TMF1: variants seen among roughly 807,000 people sequenced by gnomAD.
TMF1 encodes the protein TATA element modulatory factor 1, also known as TATA element modulatory factor.
In TMF1, 71 loss-of-function variants were observed where a neutral mutation model predicts 126.5. The ratio of observed to expected loss-of-function variants is 0.56; its 90% CI spans 0.46 to 0.68. TMF1 has a LOEUF of 0.68. Among genes scored for constraint, TMF1 ranks in the 30% least tolerant of loss-of-function variants. The probability of loss-of-function intolerance (pLI) is 0.00; values close to 1 mark genes in which losing one functional copy is unlikely to be tolerated. For synonymous variants in TMF1, 461 were observed against 430.5 expected (o/e 1.07, Z -0.88); for missense variants, 1,259 against 1,253.2 (o/e 1.00, Z -0.07).
At chr3:69,040,937 A>T (rs567600502) in intron 5 of TMF1, among the ~76,000 whole-genome samples, 336 of 151,332 alleles carry the variant, frequency 2.2e-3, no homozygotes, top group South Asian at 0.014. Context: ...AAAAAAAAAA[A>T]TTTTTCTGGG....
chr3:69,040,951 C>T (rs551337870), intron 5 of TMF1, among the ~76,000 whole-genome samples: 32 of 151,256 alleles, frequency 2.1e-4, no homozygotes, highest in South Asian at 8.4e-4. Context: ...TTCTGGGGCA[C>T]GCGGAAACAA....
Position 69,038,956 on chromosome 3 carries a change from T to C in TMF1, c.1881A>G (p.Lys627=). The change falls in exon 7 of 17, where the codon AAA becomes AAG. Residue 627 remains lysine (K), a synonymous_variant. Transcript: ENST00000398559. The part of the protein sequence containing the change: ...VEKQHRENIK[K]LNSMVERQEK... ...CTTGGCGTTCTACCATGGAATTTAG[T>C]TTTTTAATATTTTCTCTATGTTGTT... The C allele has an allele frequency of 6.2e-7, 1 of 1,609,884 alleles. No individual in the cohort carries two copies. Among genetic ancestry groups the C allele is most frequent in the African/African-American group, 1.3e-5 (1 of 74,722 alleles).
chr3:69,025,598 G>T lies in TMF1; in HGVS notation c.2974C>A (p.Gln992Lys). 1 of 1,613,864 alleles carries T rather than the reference G, an allele frequency of 6.2e-7. No individual in the cohort carries two copies. Among genetic ancestry groups the T allele is most frequent in the South Asian group, 1.1e-5 (1 of 91,040 alleles). ...GSSIIENLQSQLKLREGEITH... is the reference protein window; with the variant it reads ...GSSIIENLQSKLKLREGEITH... ...ATTTCCCCTTCCCTTAGCTTTAGCT[G>T]AGACTGTAGGTTTTCAATTATGCTT... The change falls in exon 15 of 17, where the codon CAG (glutamine) becomes AAG (lysine). Residue 992 changes from glutamine to lysine, a missense_variant. Physicochemically the swap from Gln to Lys is moderately conservative, Grantham distance 53 (BLOSUM62 1). Transcript: ENST00000398559.
chr3:69,045,854 G>A (rs2091892666), intron 2 of TMF1, among the ~76,000 whole-genome samples: 1 of 152,190 alleles, frequency 6.6e-6, no homozygotes, highest in Non-Finnish European at 1.5e-5. Context: ...GAGCCCAGGA[G>A]TTCAAGACCA....
chr3:69,045,215 T>C (rs550937991), intron 2 of TMF1, among the ~76,000 whole-genome samples: 2 of 152,248 alleles, frequency 1.3e-5, no homozygotes, highest in African/African-American at 2.4e-5. Context: ...CCCAGCACTT[T>C]GGGAGGCTGA....
At chr3:69,033,487 TCTAATTCTATAAACAAGA>T in intron 10 of TMF1, 43 bp downstream of exon 10, 1 of 1,518,840 alleles carries the variant, frequency 6.6e-7, no homozygotes, top group Non-Finnish European at 8.9e-7. Context: ...ATACCATTAT[TCTAATTCTATAAACAAGA>T]TGGAAGAGCT....
In TMF1 at chr3:69,047,912, C is replaced by A; in HGVS notation, c.793G>T (p.Glu265Ter). The A allele has an allele frequency of 6.2e-7, 1 of 1,613,912 alleles. No individual in the cohort carries two copies. The highest frequency in any genetic ancestry group is 8.5e-7 in the Non-Finnish European group (1 of 1,180,032). ...TTSDIEVLDH[E>*]SVISESSASS... ...GCTGAGCTCTCACTTATTACACTTT[C>A]ATGATCTAAAACTTCAATATCACTG... The change falls in exon 2 of 17, where the codon GAA (glutamate) becomes TAA (stop). Residue 265 changes from glutamate (E) to a stop codon, truncating the protein, a stop_gained. Transcript: ENST00000398559. LOFTEE classifies it high-confidence loss of function.
At chr3:69,042,664 T>C in intron 5 of TMF1, 143 bp downstream of exon 5, 1 of 731,012 alleles carries the variant, frequency 1.4e-6, no homozygotes, top group South Asian at 1.5e-5. Flanking sequence ...CATTCTTCCA[T>C]AAACTGTCAC....
At position 69,047,548 on chromosome 3, in the gene TMF1, A is replaced by G. The variant is rs749208621; in HGVS notation, c.1157T>C (p.Ile386Thr). The change falls in exon 2 of 17, where the codon ATA becomes ACA. Residue 386 changes from isoleucine to threonine, a missense_variant. Coordinates refer to ENST00000398559, the MANE Select transcript of TMF1 (RefSeq NM_007114.3). ...TTCCATTTCTGCTTCCTCAGTGGGTATAACTAATGTTTCATTTACTTCTTC... is the reference window on the plus strand; with the variant it reads ...TTCCATTTCTGCTTCCTCAGTGGGTGTAACTAATGTTTCATTTACTTCTTC... The part of the protein sequence containing the change: ...KSEEVNETLV[I>T]PTEEAEMEES... 8 of 1,614,172 alleles carry G rather than the reference A, an allele frequency of 5.0e-6. No individual in the cohort carries two copies. The South Asian group carries it at 7.7e-5, about 16-fold the overall frequency.
chr3:69,049,416 T>A (rs1424483594), intron 1 of TMF1, among the ~76,000 whole-genome samples: 2 of 152,148 alleles, frequency 1.3e-5, no homozygotes, highest in African/African-American at 4.8e-5. Flanking sequence ...AAGATAATGG[T>A]GACAAATGTT....
chr3:69,029,779 G>C (rs1162243025), intron 11 of TMF1, 36 bp downstream of exon 11: 1 of 1,556,970 alleles, frequency 6.4e-7, no homozygotes, highest in Non-Finnish European at 8.7e-7. Context: ...GGATGTCACG[G>C]AACTACCAAA....
At chr3:69,040,782 C>T (rs868764712) in intron 5 of TMF1, among the ~76,000 whole-genome samples, 15 of 151,896 alleles carry the variant, frequency 9.9e-5, no homozygotes, top group African/African-American at 3.6e-4. Context: ...ACTAGCTAGG[C>T]GTGGTGGCAG....
intron 10 of TMF1, 85 bp downstream of exon 10, chr3:69,033,463 T>C (rs1575812249): frequency 7.0e-7 from 1 of 1,429,802 alleles, no homozygotes; most frequent in Non-Finnish European, 9.4e-7. Context: ...TCAGATCAAA[T>C]GAATTTCAAT....
chr3:69,024,031 C>CAA lies in TMF1; in HGVS notation c.3138+23_3138+24insTT, dbSNP rs575032355. ...TAAATGAACTAAAATATCTTAGACT[C>CAA]ATCCTTAGGTGAAGAATACTTACTC... is the stretch of plus-strand genomic sequence containing the variant. On this transcript the variant is annotated intron_variant, in intron 16 of 16. Coordinates refer to ENST00000398559, the MANE Select transcript of TMF1 (RefSeq NM_007114.3). 8.7e-5 allele frequency: 138 copies of CAA among 1,585,602 alleles called. No individual in the cohort carries two copies. The East Asian group carries it at 3.0e-3, about 34-fold the overall frequency.
In TMF1 at chr3:69,021,989, T is replaced by A. The variant is rs1284636863; in HGVS notation, c.*1188A>T. Reference sequence around the variant, plus strand: ...ATGAGCCACAGCACCTGGCCGTAAATGAGAGTTTTTATGTGCAAGTAAAGG... The same window carrying A: ...ATGAGCCACAGCACCTGGCCGTAAAAGAGAGTTTTTATGTGCAAGTAAAGG... On this transcript the variant is annotated 3_prime_UTR_variant, in exon 17 of 17. Transcript: ENST00000398559. 2.6e-5 allele frequency: 4 copies of A among 152,532 alleles called. No individual in the cohort carries two copies. Among genetic ancestry groups the A allele is most frequent in the Non-Finnish European group, 5.9e-5 (4 of 68,024 alleles). 9.4% of individuals were successfully genotyped at this position (152,532 alleles called of 1,614,324 possible). A position where few individuals can be genotyped will look rare whatever the true frequency, so the allele number is the denominator to read the frequency against.
intron 10 of TMF1, among the ~76,000 whole-genome samples, chr3:69,032,925 T>C (rs1396866323): frequency 6.6e-6 from 1 of 152,138 alleles, no homozygotes; most frequent in Admixed American, 6.5e-5. Flanking sequence ...TATGGAATCT[T>C]AAGACTCCCT....
chr3:69,041,286 T>C (rs1332723539), intron 5 of TMF1, among the ~76,000 whole-genome samples: 1 of 152,316 alleles, frequency 6.6e-6, no homozygotes, highest in African/African-American at 2.4e-5. Flanking sequence ...GAATTGTGTT[T>C]TATCATTATC....
chr3:69,030,713 T>C (rs1054170401), intron 10 of TMF1: 1 of 151,828 alleles, frequency 6.6e-6, no homozygotes, highest in Non-Finnish European at 1.5e-5. Flanking sequence ...AGGGAAAAAA[T>C]ACAAATTAAA....
chr3:69,022,355 G>T lies in TMF1; in HGVS notation c.*822C>A, dbSNP rs536668264. ...TTATGTTAAGAACTTTATTATTTTC[G>T]ATTCATTTTATAGGGTAGTAAAATA... is the stretch of plus-strand genomic sequence containing the variant. On this transcript the variant is annotated 3_prime_UTR_variant, in exon 17 of 17. Coordinates refer to ENST00000398559, the MANE Select transcript of TMF1 (RefSeq NM_007114.3). 2 of 152,036 alleles carry T rather than the reference G, an allele frequency of 1.3e-5. No homozygotes were observed. Among genetic ancestry groups the T allele is most frequent in the South Asian group, 2.1e-4 (1 of 4,830 alleles). 9.4% of individuals were successfully genotyped at this position (152,036 alleles called of 1,614,324 possible).
Sources: gnomAD v4.1 joint callset for allele counts (sites outside exome capture counted in the v4.1 genomes callset) on GRCh38, gnomAD v4.1.1 for gene constraint, MANE v1.5 for transcripts, NCBI Gene and HGNC (gene_info 2026-07-23, HGNC 2026-07-21) for gene names.